Variants in SLCO6A1 observed in about 807,000 individuals in gnomAD.
SLCO6A1 encodes the protein cancer/testis antigen 48.
SLCO6A1 carries 65 observed loss-of-function variants against 72.7 expected under a neutral mutation model. That is an observed-to-expected ratio of 0.89 (90% CI 0.73 to 1.10). The LOEUF is 1.10. SLCO6A1 is among the 50% of genes least tolerant of loss of function. The pLI is 0.00. For missense variants in SLCO6A1, 874 were observed against 872.6 expected (o/e 1.00, Z -0.02); for synonymous variants, 314 against 298.2 (o/e 1.05, Z -0.55).
chr5:102,452,653 T>TA, intron 6 of SLCO6A1, among the ~76,000 whole-genome samples: 1 of 152,286 alleles, frequency 6.6e-6, no homozygotes, highest in East Asian at 1.9e-4. Flanking sequence ...AAAAATGTTT[T>TA]AAAAAACATA....
Position 102,487,291 on chromosome 5 carries a change from T to C in SLCO6A1, c.359-6857A>G, listed in dbSNP as rs549489729. ...TCAGTAATATCACTATGGCCTTTGA[T>C]AAATAGTAAATGTAAACAATGTACA... is the stretch of plus-strand genomic sequence containing the variant. On this transcript the variant is annotated intron_variant, in intron 1 of 13. Coordinates refer to ENST00000506729, the MANE Select transcript of SLCO6A1 (RefSeq NM_173488.5). Among the ~76,000 whole-genome samples the C allele has an allele frequency of 2.6e-5, 4 of 152,318 alleles. No individual in the cohort carries two copies. The East Asian group carries it at 7.7e-4, about 29-fold the overall frequency.
At chr5:102,454,226 G>A (rs1750583561) in intron 6 of SLCO6A1, among the ~76,000 whole-genome samples, 1 of 152,134 alleles carries the variant, frequency 6.6e-6, no homozygotes, top group Admixed American at 6.6e-5. Context: ...TCAAGTGGCA[G>A]GAAGACTGTT....
At chr5:102,437,535 A>G (rs1376894) in intron 7 of SLCO6A1, among the ~76,000 whole-genome samples, 98,306 of 151,862 alleles carry the variant, frequency 0.65, 32,031 homozygotes, top group African/African-American at 0.67. Flanking sequence ...TACTCCTCAC[A>G]TTCTGCTGAT....
intron 4 of SLCO6A1, among the ~76,000 whole-genome samples, chr5:102,470,849 C>T (rs1468196982): frequency 6.6e-6 from 1 of 152,068 alleles, no homozygotes; most frequent in Non-Finnish European, 1.5e-5. Flanking sequence ...AATCCAGCAC[C>T]TGTTCTGGTG....
chr5:102,427,152 C>A (rs184221265), intron 7 of SLCO6A1, among the ~76,000 whole-genome samples: 19 of 151,610 alleles, frequency 1.3e-4, no homozygotes, highest in Admixed American at 1.1e-3. Flanking sequence ...AAATAAGAAA[C>A]CTGGATATTA....
chr5:102,486,641 G>T (rs1346880570), intron 1 of SLCO6A1, among the ~76,000 whole-genome samples: 1 of 152,046 alleles, frequency 6.6e-6, no homozygotes, highest in African/African-American at 2.4e-5. Context: ...ACTTGAACAT[G>T]AATAAATGTT....
intron 10 of SLCO6A1, among the ~76,000 whole-genome samples, chr5:102,397,343 A>G (rs1747141596): frequency 6.6e-6 from 1 of 152,130 alleles, no homozygotes; most frequent in Admixed American, 6.6e-5. Context: ...CTTTGAACCT[A>G]TAGGTTATCT....
intron 6 of SLCO6A1, 146 bp from the exon 7 acceptor site, chr5:102,438,907 G>A (rs1164975694): frequency 9.2e-6 from 4 of 436,716 alleles, no homozygotes; most frequent in Middle Eastern, 6.3e-4. Flanking sequence ...ATGATAGATA[G>A]ATAGATAGAT....
At chr5:102,390,759 A>G (rs6895200) in intron 11 of SLCO6A1, among the ~76,000 whole-genome samples, 95,562 of 151,910 alleles carry the variant, frequency 0.63, 30,318 homozygotes, top group Non-Finnish European at 0.65. Context: ...TCTTCTGATC[A>G]AATATAATAT....
At chr5:102,493,620 C>T (rs1752782504) in intron 1 of SLCO6A1, among the ~76,000 whole-genome samples, 1 of 152,122 alleles carries the variant, frequency 6.6e-6, no homozygotes, top group South Asian at 2.1e-4. Flanking sequence ...TTTCTATTGA[C>T]CATTGTACCA....
intron 4 of SLCO6A1, among the ~76,000 whole-genome samples, chr5:102,471,045 T>A (rs559291833): frequency 6.6e-6 from 1 of 152,116 alleles, no homozygotes; most frequent in Admixed American, 6.6e-5. Flanking sequence ...TCTTGGGGCA[T>A]GGTTTTTCTT....
rs1746569003 is a variant in SLCO6A1, at chr5:102,388,777, C to G, written c.1928G>C (p.Cys643Ser). Reference protein sequence around the residue: ...SIFKMSGETSCILRDVNKCGH... With the variant: ...SIFKMSGETSSILRDVNKCGH... Reference sequence around the variant, plus strand: ...ACATTTATTAACATCCCGTAAAATACAAGAAGTTTCTCCTGACATTTTAAA... The same window carrying G: ...ACATTTATTAACATCCCGTAAAATAGAAGAAGTTTCTCCTGACATTTTAAA... The change falls in exon 12 of 14, where the codon TGT becomes TCT. Residue 643 changes from cysteine to serine, a missense_variant. Coordinates refer to ENST00000506729, the MANE Select transcript of SLCO6A1 (RefSeq NM_173488.5). The G allele has an allele frequency of 6.2e-7, 1 of 1,608,048 alleles. No homozygotes were observed. The highest frequency in any genetic ancestry group is 1.7e-5 in the Admixed American group (1 of 58,618).
intron 6 of SLCO6A1, among the ~76,000 whole-genome samples, chr5:102,450,732 A>G (rs377724429): frequency 7.9e-5 from 12 of 152,158 alleles, no homozygotes; most frequent in African/African-American, 2.9e-4. Flanking sequence ...CCAGAGAAGC[A>G]CACCAATTGG....
At chr5:102,426,125 A>G (rs1748878223) in intron 7 of SLCO6A1, among the ~76,000 whole-genome samples, 1 of 152,002 alleles carries the variant, frequency 6.6e-6, no homozygotes, top group African/African-American at 2.4e-5. Context: ...AACTCAAGAC[A>G]GATATAAGAC....
intron 1 of SLCO6A1, among the ~76,000 whole-genome samples, chr5:102,497,516 G>A (rs1580537161): frequency 6.6e-6 from 1 of 152,218 alleles, no homozygotes; most frequent in East Asian, 1.9e-4. Context: ...ACAATGTGTA[G>A]GATGGACTGT....
At chr5:102,487,174 C>T (rs1752480902) in intron 1 of SLCO6A1, among the ~76,000 whole-genome samples, 1 of 151,998 alleles carries the variant, frequency 6.6e-6, no homozygotes, top group Admixed American at 6.6e-5. Context: ...GTAAATAAGC[C>T]TTTTGCAGCT....
intron 7 of SLCO6A1, among the ~76,000 whole-genome samples, chr5:102,434,191 T>C (rs1234345821): frequency 6.6e-6 from 1 of 152,116 alleles, no homozygotes; most frequent in African/African-American, 2.4e-5. Context: ...AGGATATTTA[T>C]ACGATGAGTA....
At chr5:102,377,513 G>C (rs1456403108) in intron 12 of SLCO6A1, among the ~76,000 whole-genome samples, 1 of 151,976 alleles carries the variant, frequency 6.6e-6, no homozygotes, top group Middle Eastern at 3.2e-3. Context: ...TTCCATATTT[G>C]GTTTTGGGTG....
chr5:102,470,864 T>C (rs1485218369), intron 4 of SLCO6A1, among the ~76,000 whole-genome samples: 2 of 152,032 alleles, frequency 1.3e-5, no homozygotes, highest in African/African-American at 4.8e-5. Context: ...CTGGTGGAGG[T>C]AGCAGGGGAA....
Sources: allele counts gnomAD v4.1 joint callset (sites outside exome capture counted in the v4.1 genomes callset), GRCh38; gene constraint gnomAD v4.1.1; transcripts MANE v1.5; gene names NCBI Gene and HGNC (gene_info 2026-07-23, HGNC 2026-07-21).